APBA1: variants seen among roughly 807,000 people sequenced by gnomAD.
The protein encoded by APBA1 is amyloid beta precursor protein binding family A member 1.
APBA1 carries 55 observed loss-of-function variants against 86.6 expected under a neutral mutation model. The observed-to-expected ratio is 0.64, with a 90% CI of 0.51 to 0.80. APBA1 has a LOEUF of 0.80. APBA1 is among the 30% of genes least tolerant of loss of function. The pLI, the probability that APBA1 is intolerant of heterozygous loss-of-function variation, is 0.00. For synonymous variants in APBA1, 511 were observed against 493.9 expected, an observed-to-expected ratio of 1.03 and a Z score of -0.46; for missense variants, 1,090 against 1,183.0, an observed-to-expected ratio of 0.92 and a Z score of 1.15.
intron 1 of APBA1, among the ~76,000 whole-genome samples, chr9:69,590,091 T>C (rs1198781075): frequency 6.6e-6 from 1 of 152,214 alleles, no homozygotes; most frequent in Non-Finnish European, 1.5e-5. Context: ...ACTCCTGGGA[T>C]GGTCCACATG....
chr9:69,609,201 C>G (rs1330335), intron 1 of APBA1, among the ~76,000 whole-genome samples: 151,528 of 152,344 alleles, frequency 0.99, 75,365 homozygotes, highest in Middle Eastern at 1. Flanking sequence ...GATTGTGAAA[C>G]TTTTCAGGAT....
chr9:69,441,899 C>T (rs1834830252), intron 10 of APBA1, among the ~76,000 whole-genome samples: 1 of 152,232 alleles, frequency 6.6e-6, no homozygotes, highest in East Asian at 1.9e-4. Flanking sequence ...ATGTAGAAAG[C>T]TTCCACCTCT....
intron 2 of APBA1, among the ~76,000 whole-genome samples, chr9:69,498,774 A>C (rs768159917): frequency 8.5e-5 from 13 of 152,192 alleles, no homozygotes; most frequent in Admixed American, 2.0e-4. Flanking sequence ...TCTGTAGTTC[A>C]CTGGCAAAAT....
intron 1 of APBA1, among the ~76,000 whole-genome samples, chr9:69,661,553 G>A (rs1432785663): frequency 2.0e-5 from 3 of 152,102 alleles, no homozygotes; most frequent in Non-Finnish European, 4.4e-5. Flanking sequence ...CACCCCACAG[G>A]GCCAAGAATG....
chr9:69,619,731 G>A (rs904180801), intron 1 of APBA1, among the ~76,000 whole-genome samples: 3 of 152,174 alleles, frequency 2.0e-5, no homozygotes, highest in Non-Finnish European at 2.9e-5. Flanking sequence ...GAGAAAGTTT[G>A]AGCATAACAC....
intron 11 of APBA1, among the ~76,000 whole-genome samples, chr9:69,439,857 C>T (rs1158470266): frequency 1.3e-5 from 2 of 152,178 alleles, no homozygotes; most frequent in East Asian, 3.8e-4. Flanking sequence ...AGGAGAGGTG[C>T]TCTGGTTTGT....
At chr9:69,514,965 A>G (rs1369106113) in intron 2 of APBA1, among the ~76,000 whole-genome samples, 3 of 152,214 alleles carry the variant, frequency 2.0e-5, no homozygotes, top group African/African-American at 7.2e-5. Context: ...AAAGGCTTGG[A>G]AGGCTATCCT....
At chr9:69,599,547 A>G (rs1221286842) in intron 1 of APBA1, among the ~76,000 whole-genome samples, 1 of 152,176 alleles carries the variant, frequency 6.6e-6, no homozygotes. Context: ...AAGCTTGCCA[A>G]AGTTTGATAA....
chr9:69,510,583 T>C (rs1476179636), intron 2 of APBA1, among the ~76,000 whole-genome samples: 2 of 139,594 alleles, frequency 1.4e-5, no homozygotes, highest in Non-Finnish European at 1.5e-5. Context: ...TTAAAGTTCA[T>C]ATGGAACCAA....
At chr9:69,581,823 G>A (rs1458317932) in intron 1 of APBA1, among the ~76,000 whole-genome samples, 3 of 152,038 alleles carry the variant, frequency 2.0e-5, no homozygotes, top group Non-Finnish European at 2.9e-5. Flanking sequence ...TCTCTTTGAG[G>A]GTAATTTGAG....
intron 1 of APBA1, among the ~76,000 whole-genome samples, chr9:69,621,037 C>T (rs1011655385): frequency 1.3e-5 from 2 of 152,232 alleles, no homozygotes; most frequent in African/African-American, 4.8e-5. Context: ...GGGCAAGTTA[C>T]ACAACCTCTC....
chr9:69,632,030 T>C (rs1486361162), intron 1 of APBA1, among the ~76,000 whole-genome samples: 4 of 151,622 alleles, frequency 2.6e-5, no homozygotes. Context: ...ACATGTACCC[T>C]AGAACTTAAA....
intron 5 of APBA1, chr9:69,464,604 T>C (rs1210476170): frequency 6.6e-6 from 1 of 152,324 alleles, no homozygotes; most frequent in East Asian, 1.9e-4. Flanking sequence ...TTTGGAAGCT[T>C]TGAAGTAAAA....
intron 1 of APBA1, among the ~76,000 whole-genome samples, chr9:69,577,537 G>T (rs1471938515): frequency 6.6e-6 from 1 of 152,112 alleles, no homozygotes; most frequent in South Asian, 2.1e-4. Context: ...AGACTGGAGG[G>T]TTTACAATTT....
intron 10 of APBA1, among the ~76,000 whole-genome samples, chr9:69,447,087 T>C (rs991690034): frequency 2.0e-5 from 3 of 152,148 alleles, no homozygotes; most frequent in Non-Finnish European, 4.4e-5. Context: ...ACTTCTAGCA[T>C]CTTCACATAC....
intron 1 of APBA1, among the ~76,000 whole-genome samples, chr9:69,590,666 C>T (rs1822111670): frequency 6.6e-6 from 1 of 152,174 alleles, no homozygotes; most frequent in Admixed American, 6.5e-5. Flanking sequence ...GAGAAATAAT[C>T]ACCCTCAATT....
chr9:69,642,697 GT>G (rs1295948540), intron 1 of APBA1, among the ~76,000 whole-genome samples: 3 of 150,960 alleles, frequency 2.0e-5, no homozygotes, highest in East Asian at 3.9e-4. Flanking sequence ...GCAGATGAAG[GT>G]TTTTTTTTGA....
At chr9:69,485,585 C>T (rs1299561541) in intron 2 of APBA1, among the ~76,000 whole-genome samples, 1 of 151,962 alleles carries the variant, frequency 6.6e-6, no homozygotes, top group Non-Finnish European at 1.5e-5. Context: ...GCAAATGAGA[C>T]ATGTGCTTGT....
At chr9:69,662,313 T>C (rs1368251645) in intron 1 of APBA1, among the ~76,000 whole-genome samples, 1 of 152,168 alleles carries the variant, frequency 6.6e-6, no homozygotes, top group African/African-American at 2.4e-5. Context: ...ATTAGGTCAT[T>C]ATGAGAAGTA....
Sources: allele counts gnomAD v4.1 joint callset (sites outside exome capture counted in the v4.1 genomes callset), GRCh38; gene constraint gnomAD v4.1.1; transcripts MANE v1.5; gene names NCBI Gene and HGNC (gene_info 2026-07-23, HGNC 2026-07-21).